The following RYR2 variants were observed in gnomAD, a reference collection of about 807,000 sequenced individuals.
The protein encoded by RYR2 is cardiac muscle ryanodine receptor-calcium release channel.
Under a neutral mutation model 601.1 loss-of-function variants are expected in RYR2, and 227 were observed. That is an observed-to-expected ratio of 0.38 (90% CI 0.34 to 0.42). RYR2 has a LOEUF of 0.42. Among genes scored for constraint, RYR2 ranks in the 10% least tolerant of loss-of-function variants. RYR2 has a pLI of 1.00. For missense variants in RYR2, 4,646 were observed against 6,156.5 expected (o/e 0.75, Z 8.21); for synonymous variants, 2,223 against 2,175.1 (o/e 1.02, Z -0.61).
chr1:237,132,628 C>T (rs1048815094), intron 1 of RYR2, among the ~76,000 whole-genome samples: 2 of 152,112 alleles, frequency 1.3e-5, no homozygotes, highest in Admixed American at 6.5e-5. Context: ...AACTGAACAT[C>T]ACATCTGAGA....
intron 1 of RYR2, among the ~76,000 whole-genome samples, chr1:237,086,203 G>A (rs1450337201): frequency 2.6e-5 from 4 of 152,198 alleles, no homozygotes; most frequent in Non-Finnish European, 4.4e-5. Context: ...CAAGATCAAG[G>A]TGTTGGCAGG....
intron 2 of RYR2, among the ~76,000 whole-genome samples, chr1:237,296,966 A>G (rs1692844686): frequency 6.6e-6 from 1 of 152,230 alleles, no homozygotes; most frequent in South Asian, 2.1e-4. Flanking sequence ...AGTTCTATAT[A>G]CAGTTGTATT....
chr1:237,127,769 C>T (rs1018157971), intron 1 of RYR2, among the ~76,000 whole-genome samples: 42 of 150,844 alleles, frequency 2.8e-4, no homozygotes, highest in African/African-American at 9.8e-4. Flanking sequence ...AGAGGCGCTC[C>T]TCACATCCCA....
At chr1:237,789,282 G>GT (rs1462992347) in intron 92 of RYR2, among the ~76,000 whole-genome samples, 1 of 152,064 alleles carries the variant, frequency 6.6e-6, no homozygotes, top group Non-Finnish European at 1.5e-5. Flanking sequence ...TCACCTATAA[G>GT]GAAAGTGGAC....
intron 79 of RYR2, among the ~76,000 whole-genome samples, chr1:237,740,161 A>G (rs1691487551): frequency 6.6e-6 from 1 of 152,184 alleles, no homozygotes; most frequent in Non-Finnish European, 1.5e-5. Context: ...GCCATTTGCT[A>G]TTGAAGAACA....
rs1289291494 is a variant in RYR2, at chr1:237,830,558, A to C, written c.14684A>C (p.Asn4895Thr). Residue 4895 changes from asparagine (N) to threonine (T), a missense_variant, in exon 103 of 105, where the codon AAT becomes ACT. Coordinates refer to ENST00000366574, the MANE Select transcript of RYR2 (RefSeq NM_001035.3). Reference sequence around the variant, plus strand: ...AAATGCTTCATCTGTGGGATAGGCAATGATTACTTCGACACAGTGCCACAT... The same window carrying C: ...AAATGCTTCATCTGTGGGATAGGCACTGATTACTTCGACACAGTGCCACAT... ...ETKCFICGIG[N>T]DYFDTVPHGF... 1 of 1,609,510 alleles carries C rather than the reference A, an allele frequency of 6.2e-7. No homozygotes were observed. Among genetic ancestry groups the C allele is most frequent in the South Asian group, 1.1e-5 (1 of 90,970 alleles).
At chr1:237,507,964 A>G (rs914913908) in intron 23 of RYR2, among the ~76,000 whole-genome samples, 5 of 151,936 alleles carry the variant, frequency 3.3e-5, no homozygotes, top group African/African-American at 9.7e-5. Flanking sequence ...ACGTTCATCA[A>G]TTTTTTTTAT....
chr1:237,669,303 G>A (rs1684626479), intron 58 of RYR2, among the ~76,000 whole-genome samples: 1 of 152,164 alleles, frequency 6.6e-6, no homozygotes, highest in South Asian at 2.1e-4. Context: ...GCAACCATCT[G>A]ATTTCTCAAT....
At chr1:237,617,550 C>G in intron 38 of RYR2, 64 bp downstream of exon 38, 1 of 1,487,178 alleles carries the variant, frequency 6.7e-7, no homozygotes, top group Non-Finnish European at 9.2e-7. Flanking sequence ...GGATCTCTGC[C>G]TTGCAAAATT....
chr1:237,124,184 C>A (rs1180803153), intron 1 of RYR2, among the ~76,000 whole-genome samples: 1 of 152,166 alleles, frequency 6.6e-6, no homozygotes, highest in East Asian at 1.9e-4. Flanking sequence ...ATGATTTGCC[C>A]AAAGCCTGTC....
At position 237,072,239 on chromosome 1, in the gene RYR2, C is replaced by A. The variant is rs527310172; in HGVS notation, c.48+29670C>A. On this transcript the variant is annotated intron_variant, in intron 1 of 104. Transcript: ENST00000366574. ...GTGCCTCCCCCGCTGCAGCTGGCAT[C>A]CCCACAGTGGCTGCTCCAGAGGGGC... is the stretch of plus-strand genomic sequence containing the variant. Among the ~76,000 whole-genome samples the A allele has an allele frequency of 1.9e-3, 284 of 152,342 alleles. 2 individuals are homozygous for A. The highest frequency in any genetic ancestry group is 6.6e-3 in the African/African-American group (274 of 41,580).
At chr1:237,412,630 A>C (rs565252602) in intron 10 of RYR2, among the ~76,000 whole-genome samples, 3 of 152,176 alleles carry the variant, frequency 2.0e-5, no homozygotes, top group Non-Finnish European at 4.4e-5. Flanking sequence ...AGTACATTGC[A>C]AAAATAGTCT....
intron 13 of RYR2, among the ~76,000 whole-genome samples, chr1:237,444,424 G>C (rs1253230549): frequency 6.6e-6 from 1 of 152,088 alleles, no homozygotes; most frequent in Non-Finnish European, 1.5e-5. Flanking sequence ...TATATAAGGA[G>C]TTTCCTCTTT....
At chr1:237,089,581 C>G (rs151015491) in intron 1 of RYR2, among the ~76,000 whole-genome samples, 58 of 152,260 alleles carry the variant, frequency 3.8e-4, no homozygotes, top group African/African-American at 1.3e-3. Context: ...CATTTATTGC[C>G]AGCCTCCCTT....
At chr1:237,219,698 T>A (rs1683591465) in intron 1 of RYR2, among the ~76,000 whole-genome samples, 1 of 152,170 alleles carries the variant, frequency 6.6e-6, no homozygotes, top group African/African-American at 2.4e-5. Context: ...CTTAATTTCC[T>A]CCTGGATAAG....
intron 79 of RYR2, among the ~76,000 whole-genome samples, chr1:237,739,445 C>T (rs16835679): frequency 0.024 from 3,685 of 152,202 alleles, 147 homozygotes; most frequent in African/African-American, 0.083. Context: ...TTCACCCCAA[C>T]GGTGGTTTTA....
At chr1:237,508,734 CTTTTTTTTTTTTTT>C (rs869044432) in intron 23 of RYR2, among the ~76,000 whole-genome samples, 7 of 77,678 alleles carry the variant, frequency 9.0e-5, no homozygotes, top group East Asian at 5.0e-4. Flanking sequence ...TTCGGGTTTT[CTTTTTTTTTTTTTT>C]TTTTTTTTTT....
chr1:237,622,468 A>C (rs1679175463), intron 38 of RYR2, among the ~76,000 whole-genome samples: 1 of 152,194 alleles, frequency 6.6e-6, no homozygotes, highest in Non-Finnish European at 1.5e-5. Flanking sequence ...AATTTCCTTC[A>C]GGCTATGTGT....
chr1:237,072,030 C>G (rs907062587), intron 1 of RYR2, among the ~76,000 whole-genome samples: 6 of 152,222 alleles, frequency 3.9e-5, no homozygotes, highest in Non-Finnish European at 7.3e-5. Flanking sequence ...GCACTTCTGA[C>G]CCTGCTGGGG....
Sources: gnomAD v4.1 joint callset for allele counts (sites outside exome capture counted in the v4.1 genomes callset) on GRCh38, gnomAD v4.1.1 for gene constraint, MANE v1.5 for transcripts, NCBI Gene and HGNC (gene_info 2026-07-23, HGNC 2026-07-21) for gene names.